The following LASP1 variants were observed in gnomAD, a reference collection of about 807,000 sequenced individuals.
LASP1 encodes the protein LIM and SH3 protein 1.
In LASP1, 10 loss-of-function variants were observed where a neutral mutation model predicts 38.6. The ratio of observed to expected loss-of-function variants is 0.26; its 90% CI spans 0.16 to 0.44. The LOEUF (loss-of-function observed/expected upper bound fraction) is 0.44. Ranked by LOEUF, LASP1 falls within the 20% of genes least tolerant of loss-of-function variation. The pLI is 1.00. For synonymous variants in LASP1, 132 were observed against 140.8 expected, an observed-to-expected ratio of 0.94 and a Z score of 0.44; for missense variants, 243 against 375.7, an observed-to-expected ratio of 0.65 and a Z score of 2.92.
chr17:38,918,610 G>T lies in LASP1; in HGVS notation c.618G>T (p.Arg206=), dbSNP rs771267426. Residue 206 remains arginine (R), a synonymous_variant, in exon 7 of 7, where the codon CGG becomes CGT. Coordinates refer to ENST00000318008, the MANE Select transcript of LASP1 (RefSeq NM_006148.4). This position sits in a 1 kb window ranked among gnomAD's most constrained non-coding sequence, Gnocchi z 4.4. ...TGACCACACTTCCCCCACAGAAGCG[G>T]TACCGCGCGGTGTATGACTACAGCG... ...QRSAPGGGGK[R]YRAVYDYSAA... is the part of the protein sequence containing the mutation. The T allele has an allele frequency of 2.0e-5, 32 of 1,593,280 alleles. No individual in the cohort carries two copies. The highest frequency in any genetic ancestry group is 2.7e-5 in the Non-Finnish European group (32 of 1,165,074).
chr17:38,913,596 A>G (rs1915018614), intron 4 of LASP1, among the ~76,000 whole-genome samples: 1 of 152,306 alleles, frequency 6.6e-6, no homozygotes, highest in Admixed American at 6.5e-5. Context: ...CTGTGACATA[A>G]AACACCTAGC....
chr17:38,883,396 A>G (rs1914008057), intron 2 of LASP1, among the ~76,000 whole-genome samples: 1 of 152,126 alleles, frequency 6.6e-6, no homozygotes, highest in Admixed American at 6.6e-5. Context: ...TGTAAAAATG[A>G]AAATAAAAAT....
intron 2 of LASP1, among the ~76,000 whole-genome samples, chr17:38,886,123 A>ACTCTCACTCTCTCTCTCT (rs1227889549): frequency 1.5e-3 from 194 of 129,920 alleles, no homozygotes; most frequent in Non-Finnish European, 2.2e-3. Context: ...TCGCTCTCTC[A>ACTCTCACTCTCTCTCTCT]CTCTCACTCT....
chr17:38,894,685 C>A (rs776670369), intron 3 of LASP1, among the ~76,000 whole-genome samples: 5 of 152,092 alleles, frequency 3.3e-5, no homozygotes, highest in African/African-American at 9.7e-5. Context: ...GACTTCCAGC[C>A]CCGGCCCTTT....
At chr17:38,889,010 C>A (rs1914224766) in intron 2 of LASP1, among the ~76,000 whole-genome samples, 1 of 152,242 alleles carries the variant, frequency 6.6e-6, no homozygotes, top group Non-Finnish European at 1.5e-5. Flanking sequence ...CCTCAGTTCT[C>A]CCATCTGTCA....
chr17:38,914,838 G>A, intron 5 of LASP1: 2 of 603,976 alleles, frequency 3.3e-6, no homozygotes, highest in South Asian at 3.9e-5. Context: ...TGAAAGGAGA[G>A]GCCCCCAGGT....
intron 2 of LASP1, among the ~76,000 whole-genome samples, chr17:38,878,622 C>T (rs749075127): frequency 2.0e-5 from 3 of 152,152 alleles, no homozygotes; most frequent in Admixed American, 2.0e-4. Flanking sequence ...TTATTTCTCT[C>T]CTCAAAATCG....
At chr17:38,887,770 T>C (rs1914184908) in intron 2 of LASP1, among the ~76,000 whole-genome samples, 1 of 152,190 alleles carries the variant, frequency 6.6e-6, no homozygotes, top group South Asian at 2.1e-4. Flanking sequence ...TGTCAAGTTA[T>C]GCTCCTTTGA....
At position 38,892,190 on chromosome 17, in the gene LASP1, C is replaced by A. The variant is rs189645346; in HGVS notation, c.249+1686C>A. Among the ~76,000 whole-genome samples, 8 of 152,326 alleles carry A rather than the reference C, an allele frequency of 5.3e-5. No individual in the cohort carries two copies. The East Asian group carries it at 1.5e-3, about 29-fold the overall frequency. On this transcript the variant is annotated intron_variant, in intron 3 of 6. Transcript: ENST00000318008. ...TTCTGGGAGAAGGTAAAAGACCCAG[C>A]GTCTCTGTCTTACAGATAGGGGAAC...
chr17:38,890,276 G>A, intron 2 of LASP1, 144 bp from the exon 3 acceptor site: 2 of 668,118 alleles, frequency 3.0e-6, no homozygotes, highest in South Asian at 1.8e-5. Flanking sequence ...CCTTGGTGGT[G>A]GACACTGAAG....
chr17:38,876,383 T>G (rs1447194632), intron 1 of LASP1, among the ~76,000 whole-genome samples: 1 of 148,008 alleles, frequency 6.8e-6, no homozygotes, highest in Non-Finnish European at 1.5e-5. Context: ...ATTTTTGAGA[T>G]TAAGTCTCGC....
intron 3 of LASP1, among the ~76,000 whole-genome samples, chr17:38,891,243 G>A (rs756918261): frequency 6.6e-6 from 1 of 152,082 alleles, no homozygotes; most frequent in African/African-American, 2.4e-5. Flanking sequence ...GATTAGGCGC[G>A]AGAATACATG....
chr17:38,919,767 A>C lies in LASP1; in HGVS notation c.*989A>C. 2.4e-6 allele frequency: 1 copy of C among 414,864 alleles called. No homozygotes were observed. The allele number at this position is 414,864 out of a possible 1,614,324, so 25.7% of individuals were successfully genotyped here. On this transcript the variant is annotated 3_prime_UTR_variant, in exon 7 of 7. Transcript: ENST00000318008. The stretch of plus-strand genomic sequence containing the variant: ...ACCTCCCCTCCCCAGCCCAATGCCA[A>C]GTGGACTTGGAGCTGCACAAAGTCA...
In LASP1 at chr17:38,917,683, G is replaced by GT. The variant is rs113458340; in HGVS notation, c.613-912dup. ...ATAGCATACAGGGCATGTTTTTTCT[G>GT]TTTTTTTTTTCTTTTTTGAGACAGG... On this transcript the variant is annotated intron_variant, in intron 6 of 6. Transcript: ENST00000318008. Among the ~76,000 whole-genome samples, 1,431 of 147,972 alleles carry GT rather than the reference G, an allele frequency of 9.7e-3. 35 individuals are homozygous for GT. In the East Asian group the frequency reaches 0.1, roughly 10 times the overall value.
chr17:38,891,796 G>A (rs545896054), intron 3 of LASP1, among the ~76,000 whole-genome samples: 7 of 152,352 alleles, frequency 4.6e-5, no homozygotes, highest in Non-Finnish European at 1.0e-4. Context: ...ATGCTGTTGA[G>A]AAGTTTTGTA....
At chr17:38,875,056 CGTGTGTGTGTGTGTGT>C (rs3220064) in intron 1 of LASP1, among the ~76,000 whole-genome samples, 1 of 140,364 alleles carries the variant, frequency 7.1e-6, no homozygotes, top group East Asian at 2.2e-4. Flanking sequence ...TGTAGCCCTT[CGTGTGTGTGTGTGTGT>C]GTGTGTGTGT....
intron 1 of LASP1, among the ~76,000 whole-genome samples, chr17:38,871,460 A>G (rs1281340696): frequency 1.3e-5 from 2 of 151,754 alleles, no homozygotes; most frequent in Non-Finnish European, 2.9e-5. Flanking sequence ...TGTCCTTTCC[A>G]TCTGAACTGG....
intron 4 of LASP1, among the ~76,000 whole-genome samples, chr17:38,911,901 C>T (rs1453309335): frequency 6.6e-6 from 1 of 152,198 alleles, no homozygotes; most frequent in Non-Finnish European, 1.5e-5. Flanking sequence ...TCAAGCTATC[C>T]TTTTGCCTCA....
chr17:38,892,879 G>C (rs1376302330), intron 3 of LASP1, among the ~76,000 whole-genome samples: 1 of 152,000 alleles, frequency 6.6e-6, no homozygotes, highest in Non-Finnish European at 1.5e-5. Flanking sequence ...CTGGGTTCCC[G>C]GGGGGGCCTC....
Sources: allele counts gnomAD v4.1 joint callset (sites outside exome capture counted in the v4.1 genomes callset), GRCh38; gene constraint gnomAD v4.1.1; non-coding constraint Gnocchi (gnomAD v3.1); transcripts MANE v1.5; gene names NCBI Gene and HGNC (gene_info 2026-07-23, HGNC 2026-07-21).